Variants in MROH1 observed in about 807,000 individuals in gnomAD.
MROH1 encodes the protein maestro heat-like repeat-containing protein family member 1.
Under a neutral mutation model 116.5 loss-of-function variants are expected in MROH1, and 117 were observed. That is an observed-to-expected ratio of 1.00 (90% CI 0.86 to 1.17). MROH1 has a LOEUF of 1.17. Ranked by LOEUF, MROH1 falls within the 50% of genes most tolerant of loss-of-function variation. MROH1 has a pLI of 0.00. For synonymous variants in MROH1, 921 were observed against 583.9 expected (o/e 1.58, Z -8.32); for missense variants, 1,873 against 1,338.5 (o/e 1.40, Z -6.23).
chr8:144,243,422 A>G (rs1166615852), intron 24 of MROH1, 72 bp from the exon 25 acceptor site: 9 of 765,030 alleles, frequency 1.2e-5, no homozygotes, highest in South Asian at 2.7e-5. Context: ...CAGAGGAAAG[A>G]AAAGGGGGTA....
chr8:144,156,802 G>C (rs1206570639), intron 1 of MROH1, among the ~76,000 whole-genome samples: 1 of 84,354 alleles, frequency 1.2e-5, no homozygotes, highest in African/African-American at 4.4e-5. Context: ...TTTTTTTCTT[G>C]AGACAGAGTC....
chr8:144,221,387 C>A (rs1836708144), intron 13 of MROH1, among the ~76,000 whole-genome samples: 1 of 152,126 alleles, frequency 6.6e-6, no homozygotes. Flanking sequence ...AGAGGCCAGG[C>A]CTAGCTTTGG....
At chr8:144,190,688 C>A in intron 7 of MROH1, 96 bp from the exon 8 acceptor site, 1 of 1,462,142 alleles carries the variant, frequency 6.8e-7, no homozygotes, top group East Asian at 2.3e-5. Context: ...TCTTGCAGGC[C>A]GTGGGATTTC....
chr8:144,215,405 A>G (rs1835012771), intron 12 of MROH1, among the ~76,000 whole-genome samples: 1 of 152,264 alleles, frequency 6.6e-6, no homozygotes, highest in African/African-American at 2.4e-5. Context: ...GTAACAGAGC[A>G]AGAAACCATG....
chr8:144,181,360 C>G (rs542405514), intron 7 of MROH1, among the ~76,000 whole-genome samples: 4 of 131,630 alleles, frequency 3.0e-5, no homozygotes, highest in African/African-American at 1.5e-4. Flanking sequence ...GGCATGTTTT[C>G]GAAGCATGGA....
intron 10 of MROH1, among the ~76,000 whole-genome samples, chr8:144,197,337 C>T (rs537824154): frequency 4.8e-4 from 70 of 147,230 alleles, no homozygotes; most frequent in Admixed American, 1.4e-3. Context: ...TCCATAAGGC[C>T]GCTTGAGTGT....
Position 144,260,688 on chromosome 8 carries a change from G to A in MROH1, c.4392G>A (p.Glu1464=). 2 of 779,324 alleles carry A rather than the reference G, an allele frequency of 2.6e-6. No individual in the cohort carries two copies. Among genetic ancestry groups the A allele is most frequent in the Admixed American group, 1.7e-5 (1 of 59,044 alleles). The allele number at this position is 779,324 out of a possible 1,614,324, so 48.3% of individuals were successfully genotyped here. The change falls in exon 40 of 44, where the codon GAG becomes GAA. Residue 1464 remains glutamate (E), a synonymous_variant. Coordinates refer to ENST00000326134, the MANE Select transcript of MROH1 (RefSeq NM_032450.3). ...IRPFFDSEKM[E]FRTASIRLFG... ...CATGTCCTTCCCAGGAGAAGATGGAGTTCCGGACGGCATCTATCCGCCTCT... is the reference window on the plus strand; with the variant it reads ...CATGTCCTTCCCAGGAGAAGATGGAATTCCGGACGGCATCTATCCGCCTCT...
chr8:144,192,657 G>GCGGGCCCAGTA, intron 10 of MROH1: 1 of 665,532 alleles, frequency 1.5e-6, no homozygotes, highest in Non-Finnish European at 2.8e-6. Context: ...CAGGCCCAGT[G>GCGGGCCCAGTA]CAGGCCCAGT....
chr8:144,180,660 G>A lies in MROH1; in HGVS notation c.562+137G>A. On this transcript the variant is annotated intron_variant, in intron 7 of 43. Transcript: ENST00000326134. The surrounding 1 kb of genome is among the most constrained non-coding windows in gnomAD (Gnocchi z 7.4). ...GGCTGTTGGAGGGAGGGGCCCCCTGGCTGAGGCTGCTGGCTGGTTGGGGGG... is the reference window on the plus strand; with the variant it reads ...GGCTGTTGGAGGGAGGGGCCCCCTGACTGAGGCTGCTGGCTGGTTGGGGGG... The A allele has an allele frequency of 5.3e-6, 4 of 759,400 alleles. No individual in the cohort carries two copies. Among genetic ancestry groups the A allele is most frequent in the Middle Eastern group, 3.9e-4 (1 of 2,576 alleles). 47.0% of individuals were successfully genotyped at this position (759,400 alleles called of 1,614,324 possible).
Position 144,241,054 on chromosome 8 carries a change from G to A in MROH1, c.1998G>A (p.Arg666=), listed in dbSNP as rs938821554. The part of the protein sequence containing the change: ...LGAASSKEVV[R]KHLQELLETA... ...CTGCTTCAAGTAAGGAGGTGGTGAG[G>A]AAGCACCTTCAAGAGCTGCTGGAGA... The change falls in exon 21 of 44, where the codon AGG becomes AGA. Residue 666 remains arginine (R), a synonymous_variant. Coordinates refer to ENST00000326134, the MANE Select transcript of MROH1 (RefSeq NM_032450.3). 5.9e-5 allele frequency: 46 copies of A among 776,202 alleles called. No homozygotes were observed. The East Asian group carries it at 1.1e-3, about 19-fold the overall frequency. 48.1% of individuals were successfully genotyped at this position (776,202 alleles called of 1,614,324 possible). A position where few individuals can be genotyped will look rare whatever the true frequency, so the allele number is the denominator to read the frequency against.
intron 20 of MROH1, 35 bp downstream of exon 20, chr8:144,240,712 T>C (rs1221510562): frequency 4.2e-6 from 3 of 711,570 alleles, no homozygotes; most frequent in Non-Finnish European, 7.8e-6. Flanking sequence ...GTGTGGTACT[T>C]GGGCTCCGAG....
intron 14 of MROH1, 54 bp from the exon 15 acceptor site, chr8:144,238,702 C>T (rs1840458685): frequency 1.3e-6 from 1 of 759,192 alleles, no homozygotes; most frequent in Non-Finnish European, 2.4e-6. Flanking sequence ...GCTGTGTCCT[C>T]AGGCCCAGAG....
intron 31 of MROH1, 138 bp from the exon 32 acceptor site, chr8:144,248,734 CGCAGG>C: frequency 1.5e-6 from 1 of 682,642 alleles, no homozygotes; most frequent in Non-Finnish European, 2.7e-6. Context: ...TCATTGAAGG[CGCAGG>C]GCCCAGCGGC....
intron 7 of MROH1, among the ~76,000 whole-genome samples, chr8:144,183,837 CG>C (rs1826289907): frequency 6.6e-6 from 1 of 151,818 alleles, no homozygotes; most frequent in East Asian, 1.9e-4. Context: ...TTAGTGGAGA[CG>C]GGGTTTCACC....
chr8:144,179,961 C>T (rs1005743070), intron 5 of MROH1, among the ~76,000 whole-genome samples: 4 of 146,382 alleles, frequency 2.7e-5, no homozygotes, highest in African/African-American at 9.9e-5. Context: ...GTGGGGTCTC[C>T]TCAGCAGCCC....
chr8:144,254,928 T>A lies in MROH1; in HGVS notation c.3544T>A (p.Phe1182Ile). 1.3e-6 allele frequency: 1 copy of A among 776,174 alleles called. No homozygotes were observed. The highest frequency in any genetic ancestry group is 2.4e-6 in the Non-Finnish European group (1 of 417,044). The allele number at this position is 776,174 out of a possible 1,614,324, so 48.1% of individuals were successfully genotyped here. A position where few individuals can be genotyped will look rare whatever the true frequency, so the allele number is the denominator to read the frequency against. Residue 1182 changes from phenylalanine (F) to isoleucine (I), a missense_variant, in exon 34 of 44, where the codon TTC (phenylalanine) becomes ATC (isoleucine). Transcript: ENST00000326134. ...CGTCCCTTTCAAGGAGAGCCGGGCC[T>A]TCCTGCTGGGCCGCACCCCAGACCG... ...RDVPFKESRAFLLGRTPDRVA... is the reference protein window; with the variant it reads ...RDVPFKESRAILLGRTPDRVA...
intron 7 of MROH1, among the ~76,000 whole-genome samples, chr8:144,185,957 A>T (rs1245456805): frequency 2.6e-5 from 4 of 151,488 alleles, no homozygotes; most frequent in African/African-American, 7.3e-5. Flanking sequence ...AGGGCCGCCG[A>T]GGGGACCGCG....
chr8:144,206,485 C>T (rs1302357667), intron 12 of MROH1, among the ~76,000 whole-genome samples: 2 of 150,854 alleles, frequency 1.3e-5, no homozygotes, highest in East Asian at 4.0e-4. Flanking sequence ...GGTAGTGGCA[C>T]GATCTCGGCT....
At chr8:144,211,893 C>T (rs1404962281) in intron 12 of MROH1, among the ~76,000 whole-genome samples, 2 of 152,162 alleles carry the variant, frequency 1.3e-5, no homozygotes, top group African/African-American at 4.8e-5. Context: ...ATCACCGAAG[C>T]TCAGATCGTC....
Sources: allele counts gnomAD v4.1 joint callset (sites outside exome capture counted in the v4.1 genomes callset), GRCh38; gene constraint gnomAD v4.1.1; non-coding constraint Gnocchi (gnomAD v3.1); transcripts MANE v1.5; gene names NCBI Gene and HGNC (gene_info 2026-07-23, HGNC 2026-07-21).